The following FAM114A1 variants were observed in gnomAD, a reference collection of about 807,000 sequenced individuals.
The protein encoded by FAM114A1 is family with sequence similarity 114 member A1, also known as protein NOXP20.
Under a neutral mutation model 64.3 loss-of-function variants are expected in FAM114A1, and 62 were observed. The observed-to-expected ratio is 0.96, with a 90% CI of 0.79 to 1.19. The LOEUF is 1.19. Ranked by LOEUF, FAM114A1 falls within the 50% of genes most tolerant of loss-of-function variation. The pLI is 0.00. For missense variants in FAM114A1, 645 were observed against 676.3 expected, an observed-to-expected ratio of 0.95 and a Z score of 0.51; for synonymous variants, 254 against 251.1, an observed-to-expected ratio of 1.01 and a Z score of -0.11.
Position 38,915,024 on chromosome 4 carries a change from T to C in FAM114A1, c.896T>C (p.Leu299Ser). The change falls in exon 8 of 15, where the codon TTG becomes TCG. Residue 299 changes from leucine to serine, a missense_variant. Physicochemically the swap from Leu to Ser is moderately radical, Grantham distance 145. Coordinates refer to ENST00000358869, the MANE Select transcript of FAM114A1 (RefSeq NM_138389.4). The part of the protein sequence containing the change: ...YGMLFDEYQG[L>S]SHLEALEILS... ...ATGCTGTTTGATGAATATCAAGGCTTGTCACACCTGGAAGCCCTGGAAATT... is the reference window on the plus strand; with the variant it reads ...ATGCTGTTTGATGAATATCAAGGCTCGTCACACCTGGAAGCCCTGGAAATT... 6.2e-7 allele frequency: 1 copy of C among 1,614,170 alleles called. No homozygotes were observed. Among genetic ancestry groups the C allele is most frequent in the Non-Finnish European group, 8.5e-7 (1 of 1,180,016 alleles).
Position 38,931,487 on chromosome 4 carries a change from CA to C in FAM114A1, c.1201del (p.Thr401ProfsTer5), listed in dbSNP as rs1426200265. On this transcript the variant is annotated frameshift_variant, in exon 11 of 15. Coordinates refer to ENST00000358869, the MANE Select transcript of FAM114A1 (RefSeq NM_138389.4). LOFTEE classifies it high-confidence loss of function. ...KRAHDWVEED[Q>X]TVVSVDVAKV... ...GGCTCATGACTGGGTGGAAGAGGAT[CA>C]AACCGTGGTGTCAGTAGATGTGGCA... is the stretch of plus-strand genomic sequence containing the variant. 1.9e-6 allele frequency: 3 copies of C among 1,613,754 alleles called. No individual in the cohort carries two copies. Among genetic ancestry groups the C allele is most frequent in the Non-Finnish European group, 8.5e-7 (1 of 1,179,956 alleles).
At chr4:38,891,681 G>A in intron 3 of FAM114A1, 62 bp from the exon 4 acceptor site, 1 of 1,391,252 alleles carries the variant, frequency 7.2e-7, no homozygotes, top group Non-Finnish European at 9.8e-7. Context: ...CAAACCAATA[G>A]GTGTTTTTCC....
intron 14 of FAM114A1, 48 bp from the exon 15 acceptor site, chr4:38,943,408 G>A: frequency 2.7e-6 from 4 of 1,503,020 alleles, no homozygotes; most frequent in Non-Finnish European, 3.7e-6. Context: ...TATTGTCAAG[G>A]TTGAACTATG....
At chr4:38,914,340 G>GCTCCT (rs1271321952) in intron 7 of FAM114A1, among the ~76,000 whole-genome samples, 2 of 151,724 alleles carry the variant, frequency 1.3e-5, no homozygotes, top group African/African-American at 4.8e-5. Flanking sequence ...TGAGGGAGGA[G>GCTCCT]GATCACTTGA....
intron 8 of FAM114A1, among the ~76,000 whole-genome samples, chr4:38,917,954 C>T (rs1452073285): frequency 1.3e-5 from 2 of 151,908 alleles, no homozygotes; most frequent in Non-Finnish European, 2.9e-5. Context: ...CGGTGACTCA[C>T]GCCTGTAATC....
At position 38,914,429 on chromosome 4, in the gene FAM114A1, G is replaced by A. The variant is rs756414837; in HGVS notation, c.793-492G>A. On this transcript the variant is annotated intron_variant, in intron 7 of 14. Coordinates refer to ENST00000358869, the MANE Select transcript of FAM114A1 (RefSeq NM_138389.4). Reference sequence around the variant, plus strand: ...AAAAATACAAAAATTAGCTGGGCATGGTGGCAAGGGTCTGTAGTCCCAGCT... The same window carrying A: ...AAAAATACAAAAATTAGCTGGGCATAGTGGCAAGGGTCTGTAGTCCCAGCT... Among the ~76,000 whole-genome samples, 14 of 152,200 alleles carry A rather than the reference G, an allele frequency of 9.2e-5. No individual in the cohort carries two copies. The South Asian group carries it at 1.9e-3, about 20-fold the overall frequency.
At chr4:38,870,570 A>T (rs1713948405) in intron 2 of FAM114A1, among the ~76,000 whole-genome samples, 1 of 152,244 alleles carries the variant, frequency 6.6e-6, no homozygotes, top group Non-Finnish European at 1.5e-5. Context: ...TTCCCAGCCC[A>T]CAAAGGCTTC....
chr4:38,923,750 G>A lies in FAM114A1; in HGVS notation c.1069+857G>A, dbSNP rs145052251. 4.8e-3 allele frequency among the ~76,000 whole-genome samples: 727 copies of A among 152,258 alleles called. 7 individuals are homozygous for A. The highest frequency in any genetic ancestry group is 0.017 in the African/African-American group (707 of 41,538). On this transcript the variant is annotated intron_variant, in intron 9 of 14. Transcript: ENST00000358869. Reference sequence around the variant, plus strand: ...CAGTGCACCAGGGCATGCTACATCAGGTTGGCAACCACACTTCCCAATAAT... The same window carrying A: ...CAGTGCACCAGGGCATGCTACATCAAGTTGGCAACCACACTTCCCAATAAT...
intron 13 of FAM114A1, chr4:38,938,483 G>C (rs1721293844): frequency 6.6e-6 from 1 of 152,210 alleles, no homozygotes; most frequent in Non-Finnish European, 1.5e-5. Flanking sequence ...CAGCAATAGA[G>C]CTTCACTGTA....
chr4:38,918,455 A>T (rs1203220077), intron 8 of FAM114A1, among the ~76,000 whole-genome samples: 2 of 152,184 alleles, frequency 1.3e-5, no homozygotes, highest in African/African-American at 4.8e-5. Flanking sequence ...ACTGAGGTTG[A>T]CACACGTAGC....
At chr4:38,879,364 A>G (rs1579296213) in intron 3 of FAM114A1, among the ~76,000 whole-genome samples, 1 of 152,278 alleles carries the variant, frequency 6.6e-6, no homozygotes, top group East Asian at 1.9e-4. Flanking sequence ...TAAACAGGGA[A>G]CTAGGGGCCC....
intron 13 of FAM114A1, 133 bp from the exon 14 acceptor site, chr4:38,940,835 G>A: frequency 1.1e-6 from 1 of 889,944 alleles, no homozygotes; most frequent in Non-Finnish European, 1.8e-6. Context: ...AGCCTGGTCT[G>A]TAGGAAGCAT....
At chr4:38,897,347 C>G (rs567696313) in intron 4 of FAM114A1, among the ~76,000 whole-genome samples, 6 of 152,264 alleles carry the variant, frequency 3.9e-5, no homozygotes, top group African/African-American at 1.4e-4. Flanking sequence ...GATATTTGTG[C>G]CCACTGTGCT....
chr4:38,879,832 T>TTTAC (rs1715029754), intron 3 of FAM114A1, among the ~76,000 whole-genome samples: 4 of 152,144 alleles, frequency 2.6e-5, no homozygotes, highest in African/African-American at 9.7e-5. Flanking sequence ...CAACTTCAGC[T>TTTAC]GAATGTTACC....
intron 13 of FAM114A1, among the ~76,000 whole-genome samples, chr4:38,939,837 G>A (rs531662786): frequency 4.0e-5 from 6 of 151,418 alleles, no homozygotes; most frequent in South Asian, 4.2e-4. Context: ...TTGATAGACC[G>A]ATAGCATAAG....
At chr4:38,913,496 C>T (rs1168432821) in intron 7 of FAM114A1, among the ~76,000 whole-genome samples, 12 of 152,210 alleles carry the variant, frequency 7.9e-5, no homozygotes, top group Non-Finnish European at 1.3e-4. Context: ...GTTCAACCTC[C>T]GCCTCTCCTG....
chr4:38,882,314 G>A (rs1480892103), intron 3 of FAM114A1, among the ~76,000 whole-genome samples: 4 of 74,330 alleles, frequency 5.4e-5, no homozygotes, highest in Non-Finnish European at 9.6e-5. Context: ...GCGAGACTCC[G>A]TCTCAAAAAA....
At chr4:38,882,765 T>A (rs1715418451) in intron 3 of FAM114A1, among the ~76,000 whole-genome samples, 1 of 152,178 alleles carries the variant, frequency 6.6e-6, no homozygotes. Context: ...TGTGTATGTG[T>A]ATGCATATAT....
intron 2 of FAM114A1, among the ~76,000 whole-genome samples, chr4:38,875,968 T>C (rs1055409488): frequency 6.6e-6 from 1 of 152,180 alleles, no homozygotes; most frequent in African/African-American, 2.4e-5. Context: ...CCTTATTTGG[T>C]TTCTACCTCA....
Sources: allele counts gnomAD v4.1 joint callset (sites outside exome capture counted in the v4.1 genomes callset), GRCh38; gene constraint gnomAD v4.1.1; transcripts MANE v1.5; gene names NCBI Gene and HGNC (gene_info 2026-07-23, HGNC 2026-07-21).